TNFSF4: variants seen among roughly 807,000 people sequenced by gnomAD.
The protein encoded by TNFSF4 is tumor necrosis factor ligand superfamily member 4.
In TNFSF4, 4 loss-of-function variants were observed where a neutral mutation model predicts 7.3. The ratio of observed to expected loss-of-function variants is 0.55; its 90% CI spans 0.27 to 1.25. TNFSF4 has a LOEUF of 1.25. Among genes scored for constraint, TNFSF4 ranks in the 50% most tolerant of loss-of-function variants. TNFSF4 has a pLI of 0.12. For missense variants in TNFSF4, 181 were observed against 208.8 expected (o/e 0.87, Z 0.82); for synonymous variants, 76 against 83.7 (o/e 0.91, Z 0.50).
the TNFSF4 span, chr1:173,362,582 G>T: frequency 5.8e-6 from 3 of 519,606 alleles, no homozygotes; most frequent in African/African-American, 3.9e-5. Context: ...TTGTCTTTCA[G>T]TTCAACAGTT....
At chr1:173,243,012 G>T in the TNFSF4 span, among the ~76,000 whole-genome samples, 1 of 113,394 alleles carries the variant, frequency 8.8e-6, no homozygotes, top group African/African-American at 3.2e-5. Context: ...GGTGGGGGGG[G>T]GGGGGGAGCA....
chr1:173,388,363 T>C, the TNFSF4 span, among the ~76,000 whole-genome samples: 2 of 152,266 alleles, frequency 1.3e-5, no homozygotes, highest in African/African-American at 4.8e-5. Flanking sequence ...TGCATGTATT[T>C]TTGACACAGT....
chr1:173,409,721 A>C, the TNFSF4 span, among the ~76,000 whole-genome samples: 1 of 152,186 alleles, frequency 6.6e-6, no homozygotes, highest in South Asian at 2.1e-4. Context: ...TGGCATAAAA[A>C]TATGACTCCC....
the TNFSF4 span, among the ~76,000 whole-genome samples, chr1:173,310,786 A>T: frequency 6.6e-6 from 1 of 151,578 alleles, no homozygotes; most frequent in Admixed American, 6.6e-5. Flanking sequence ...ATTCTGTCTG[A>T]TATTTTAATA....
chr1:173,365,090 GAAA>G, the TNFSF4 span, among the ~76,000 whole-genome samples: 1 of 134,270 alleles, frequency 7.4e-6, no homozygotes. Context: ...CTGTCACAGG[GAAA>G]AAAAAAAAAG....
the TNFSF4 span, among the ~76,000 whole-genome samples, chr1:173,288,293 G>A: frequency 6.6e-6 from 1 of 152,084 alleles, no homozygotes; most frequent in African/African-American, 2.4e-5. Flanking sequence ...TCCCTATGCT[G>A]GGTGTGGTGG....
intron 1 of TNFSF4, among the ~76,000 whole-genome samples, chr1:173,206,359 T>C (rs1650189234): frequency 6.6e-6 from 1 of 152,154 alleles, no homozygotes; most frequent in African/African-American, 2.4e-5. Context: ...ATTTTAACTA[T>C]ATGGGGAAAA....
the TNFSF4 span, among the ~76,000 whole-genome samples, chr1:173,397,410 T>G: frequency 1.3e-5 from 2 of 152,188 alleles, no homozygotes; most frequent in Non-Finnish European, 2.9e-5. Flanking sequence ...AAGGAAATAA[T>G]TGGACCTTTT....
chr1:173,326,355 T>C, the TNFSF4 span, among the ~76,000 whole-genome samples: 1 of 152,216 alleles, frequency 6.6e-6, no homozygotes, highest in African/African-American at 2.4e-5. Context: ...TAGGTATTGA[T>C]GGGATGTATC....
the TNFSF4 span, among the ~76,000 whole-genome samples, chr1:173,287,371 G>A: frequency 2.0e-5 from 3 of 151,996 alleles, no homozygotes; most frequent in African/African-American, 4.8e-5. Context: ...ACCACAATGG[G>A]ATACCACTAC....
At chr1:173,315,714 T>A in the TNFSF4 span, among the ~76,000 whole-genome samples, 1 of 152,212 alleles carries the variant, frequency 6.6e-6, no homozygotes, top group Non-Finnish European at 1.5e-5. Flanking sequence ...GTTTGATCAC[T>A]GAATTGCTTA....
the TNFSF4 span, among the ~76,000 whole-genome samples, chr1:173,343,953 A>G: frequency 4.1e-3 from 622 of 152,358 alleles, 5 homozygotes; most frequent in African/African-American, 0.013. Flanking sequence ...AAGTAAAATG[A>G]CAATATCTGG....
chr1:173,395,014 AGATAGATAGATAGATAGATAGAT>A, the TNFSF4 span, among the ~76,000 whole-genome samples: 6 of 128,738 alleles, frequency 4.7e-5, no homozygotes, highest in East Asian at 2.3e-4. Flanking sequence ...ATAGATAGAT[AGATAGATAGATAGATAGATAGAT>A]GATAGATAGA....
At chr1:173,192,496 G>A (rs1460237548) in intron 1 of TNFSF4, among the ~76,000 whole-genome samples, 1 of 152,150 alleles carries the variant, frequency 6.6e-6, no homozygotes, top group Non-Finnish European at 1.5e-5. Flanking sequence ...CTAACTATAT[G>A]ACATTCTGGA....
At chr1:173,277,964 C>T in the TNFSF4 span, among the ~76,000 whole-genome samples, 2 of 152,058 alleles carry the variant, frequency 1.3e-5, no homozygotes, top group South Asian at 2.1e-4. Context: ...AATGACACCA[C>T]GAAGAATCCC....
intron 1 of TNFSF4, among the ~76,000 whole-genome samples, chr1:173,202,124 G>C (rs1298095108): frequency 1.3e-5 from 2 of 151,318 alleles, no homozygotes; most frequent in African/African-American, 4.9e-5. Context: ...GAAGGCCAAG[G>C]TGGCCAGCCC....
chr1:173,350,287 T>A, the TNFSF4 span, among the ~76,000 whole-genome samples: 1 of 152,192 alleles, frequency 6.6e-6, no homozygotes, highest in Non-Finnish European at 1.5e-5. Flanking sequence ...ATGGGTTTTT[T>A]AAGTAACATA....
chr1:173,367,573 G>C, the TNFSF4 span, among the ~76,000 whole-genome samples: 1 of 152,166 alleles, frequency 6.6e-6, no homozygotes, highest in African/African-American at 2.4e-5. Context: ...AAGAGTCAGG[G>C]GGTTTATGGA....
At chr1:173,227,170 C>G in the TNFSF4 span, among the ~76,000 whole-genome samples, 1 of 150,996 alleles carries the variant, frequency 6.6e-6, no homozygotes, top group Admixed American at 6.6e-5. Flanking sequence ...TATTTTTACC[C>G]TTCTCTCAAA....
Sources: gnomAD v4.1 joint callset for allele counts (sites outside exome capture counted in the v4.1 genomes callset) on GRCh38, gnomAD v4.1.1 for gene constraint, MANE v1.5 for transcripts, NCBI Gene and HGNC (gene_info 2026-07-23, HGNC 2026-07-21) for gene names.